SENP2: variants seen among roughly 807,000 people sequenced by gnomAD.
The protein encoded by SENP2 is sentrin-specific protease 2.
SENP2 carries 16 observed loss-of-function variants against 86.3 expected under a neutral mutation model. The ratio of observed to expected loss-of-function variants is 0.19; its 90% CI spans 0.13 to 0.28. The LOEUF is 0.28. Ranked by LOEUF, SENP2 falls within the 10% of genes least tolerant of loss-of-function variation. The probability of loss-of-function intolerance (pLI) is 1.00; values close to 1 mark genes in which losing one functional copy is unlikely to be tolerated. For missense variants in SENP2, 552 were observed against 703.0 expected (o/e 0.79, Z 2.43); for synonymous variants, 222 against 238.7 (o/e 0.93, Z 0.64).
chr3:185,619,434 G>C lies in SENP2; in HGVS notation c.1378G>C (p.Gly460Arg). 8.7e-6 allele frequency: 14 copies of C among 1,614,154 alleles called. No individual in the cohort carries two copies. Among genetic ancestry groups the C allele is most frequent in the Non-Finnish European group, 1.2e-5 (14 of 1,180,018 alleles). ...GYQAVKRWTK[G>R]VNLFEQEIIL... ...CCAAGCAGTGAAACGATGGACCAAAGGGGTAAATCTCTTTGAACAAGAAAT... is the reference window on the plus strand; with the variant it reads ...CCAAGCAGTGAAACGATGGACCAAACGGGTAAATCTCTTTGAACAAGAAAT... The change falls in exon 13 of 17, where the codon GGG becomes CGG. Residue 460 changes from glycine to arginine, a missense_variant. Physicochemically the swap from Gly to Arg is moderately radical, Grantham distance 125 (BLOSUM62 -2). This residue lies in a region of SENP2 where 169 missense variants were observed against 275.7 expected (regional missense o/e 0.61). Coordinates refer to ENST00000296257, the MANE Select transcript of SENP2 (RefSeq NM_021627.3).
chr3:185,627,914 A>C (rs1192156853), intron 16 of SENP2, among the ~76,000 whole-genome samples: 2 of 152,220 alleles, frequency 1.3e-5, no homozygotes, highest in Non-Finnish European at 2.9e-5. Context: ...CATGAATACA[A>C]ACTGTAATAC....
chr3:185,608,516 G>T (rs1387313232), intron 6 of SENP2, among the ~76,000 whole-genome samples: 1 of 152,150 alleles, frequency 6.6e-6, no homozygotes, highest in Non-Finnish European at 1.5e-5. Flanking sequence ...TAAACTCCCT[G>T]TGAAACCCAC....
Position 185,586,348 on chromosome 3 carries a change from C to T in SENP2, c.-66C>T. 1 of 1,593,656 alleles carries T rather than the reference C, an allele frequency of 6.3e-7. No homozygotes were observed. The highest frequency in any genetic ancestry group is 8.5e-7 in the Non-Finnish European group (1 of 1,170,320). On this transcript the variant is annotated 5_prime_UTR_variant, in exon 1 of 17. Transcript: ENST00000296257. This position sits in a 1 kb window ranked among gnomAD's most constrained non-coding sequence, Gnocchi z 4.3. ...GTGGTTAAGACGGCGAAGGCGGCAG[C>T]GGCGGCGACAGCTCTGGGGTTTGCG... is the stretch of plus-strand genomic sequence containing the variant.
intron 14 of SENP2, among the ~76,000 whole-genome samples, chr3:185,622,327 A>G (rs1711925753): frequency 6.6e-6 from 1 of 152,164 alleles, no homozygotes; most frequent in African/African-American, 2.4e-5. Context: ...ACTGTTTCAA[A>G]TAGTAATTGC....
In SENP2 at chr3:185,623,763, G is replaced by A. The variant is rs370388997; in HGVS notation, c.1527-235G>A. Among the ~76,000 whole-genome samples, 3 of 140,118 alleles carry A rather than the reference G, an allele frequency of 2.1e-5. No homozygotes were observed. In the East Asian group the frequency reaches 6.4e-4, roughly 30 times the overall value. The allele number at this position is 140,118 out of a possible 152,430, so 91.9% of individuals were successfully genotyped here. On this transcript the variant is annotated intron_variant, in intron 14 of 16. Coordinates refer to ENST00000296257, the MANE Select transcript of SENP2 (RefSeq NM_021627.3). ...AATGGCGTGAACCCGGGAGGCAGAG[G>A]TTGCAGTGAGCCGAGATCGCGCCAC...
chr3:185,617,760 G>T, intron 12 of SENP2, 149 bp downstream of exon 12: 1 of 667,374 alleles, frequency 1.5e-6, no homozygotes. Context: ...TTAAAAAGAT[G>T]GTTAGTTCTG....
chr3:185,610,163 T>A (rs1276305894), intron 7 of SENP2, among the ~76,000 whole-genome samples: 2 of 148,982 alleles, frequency 1.3e-5, no homozygotes, highest in African/African-American at 4.9e-5. Flanking sequence ...GCTTTTTTTT[T>A]TTTTTTTTTT....
At position 185,614,577 on chromosome 3, in the gene SENP2, A is replaced by C; in HGVS notation, c.947A>C (p.Gln316Pro). 1 of 1,612,412 alleles carries C rather than the reference A, an allele frequency of 6.2e-7. No homozygotes were observed. Among genetic ancestry groups the C allele is most frequent in the Non-Finnish European group, 8.5e-7 (1 of 1,179,466 alleles). ...RFENESRRGY[Q>P]LEPDLSEEVS... ...TTTTTTGATCAGAGGAGGGGATACC[A>C]ACTGGAGCCTGACCTATCAGAAGAA... Residue 316 changes from glutamine to proline, a missense_variant, in exon 11 of 17, where the codon CAA becomes CCA. Transcript: ENST00000296257.
rs1418156686 is a variant in SENP2, at chr3:185,631,423, T to TC, written c.*1580dup. On this transcript the variant is annotated 3_prime_UTR_variant, in exon 17 of 17. Coordinates refer to ENST00000296257, the MANE Select transcript of SENP2 (RefSeq NM_021627.3). ...AAGCGGGAGCAGGTTGTACCACACC[T>TC]CTCCCCCCCCCCTCCCACTCCCCCT... The TC allele has an allele frequency of 3.1e-5, 1 of 32,392 alleles. No individual in the cohort carries two copies. Among genetic ancestry groups the TC allele is most frequent in the Admixed American group, 3.7e-4 (1 of 2,738 alleles). The allele number at this position is 32,392 out of a possible 1,614,324, so 2.0% of individuals were successfully genotyped here.
intron 15 of SENP2, 59 bp downstream of exon 15, chr3:185,624,141 C>T (rs1712027758): frequency 8.4e-7 from 1 of 1,190,362 alleles, no homozygotes; most frequent in Non-Finnish European, 1.2e-6. Context: ...AGTATATTAT[C>T]TAGATTTGGC....
intron 12 of SENP2, among the ~76,000 whole-genome samples, chr3:185,618,428 C>T (rs1711703997): frequency 6.6e-6 from 1 of 152,182 alleles, no homozygotes; most frequent in Non-Finnish European, 1.5e-5. Flanking sequence ...TGCTTAGCCC[C>T]TGCATGTTCT....
chr3:185,592,011 C>CTTTTTTTGTTTTTTTTTTTTT (rs1722019088), intron 2 of SENP2, among the ~76,000 whole-genome samples: 1 of 65,804 alleles, frequency 1.5e-5, no homozygotes. Flanking sequence ...GGTAATATTT[C>CTTTTTTTGTTTTTTTTTTTTT]TTTTTTTTTT....
intron 7 of SENP2, among the ~76,000 whole-genome samples, chr3:185,609,907 C>A (rs1722630092): frequency 6.6e-6 from 1 of 152,096 alleles, no homozygotes; most frequent in South Asian, 2.1e-4. Context: ...TCTCCCAGGT[C>A]ATAACAATTT....
At chr3:185,625,390 C>T (rs1712097880) in intron 15 of SENP2, among the ~76,000 whole-genome samples, 2 of 152,128 alleles carry the variant, frequency 1.3e-5, no homozygotes, top group African/African-American at 4.8e-5. Context: ...GGATTACAGG[C>T]GTGAGCCACC....
chr3:185,598,577 TG>T, intron 3 of SENP2, 32 bp downstream of exon 3: 3 of 1,595,694 alleles, frequency 1.9e-6, no homozygotes, highest in Non-Finnish European at 2.6e-6. Context: ...TTAGGAATAC[TG>T]ATCTTTATAC....
chr3:185,614,064 T>C (rs1039451551), intron 10 of SENP2, among the ~76,000 whole-genome samples: 1 of 152,146 alleles, frequency 6.6e-6, no homozygotes, highest in African/African-American at 2.4e-5. Context: ...TTCTATTTGT[T>C]TACTACAATT....
chr3:185,595,761 C>CT (rs1722153414), intron 2 of SENP2, among the ~76,000 whole-genome samples: 1 of 150,468 alleles, frequency 6.6e-6, no homozygotes. Flanking sequence ...CTACCCTTTC[C>CT]TTTTATTTTT....
chr3:185,609,609 G>A (rs2148988709), intron 7 of SENP2, among the ~76,000 whole-genome samples: 1 of 152,118 alleles, frequency 6.6e-6, no homozygotes, highest in East Asian at 1.9e-4. Context: ...GTGGATCACT[G>A]GTTGAAGTAG....
At chr3:185,587,659 G>T (rs1338295823) in intron 1 of SENP2, among the ~76,000 whole-genome samples, 2 of 142,544 alleles carry the variant, frequency 1.4e-5, no homozygotes, top group Non-Finnish European at 3.0e-5. Flanking sequence ...CTCTGCCTCC[G>T]GGAGTCACGC....
Sources: allele counts gnomAD v4.1 joint callset (sites outside exome capture counted in the v4.1 genomes callset), GRCh38; gene constraint gnomAD v4.1.1; regional missense constraint gnomAD v4.1.1; non-coding constraint Gnocchi (gnomAD v3.1); transcripts MANE v1.5; gene names NCBI Gene and HGNC (gene_info 2026-07-23, HGNC 2026-07-21).